Variants in ADCY8 observed in about 807,000 individuals in gnomAD.
ADCY8 encodes adenylate cyclase 8.
Under a neutral mutation model 119.7 loss-of-function variants are expected in ADCY8, and 51 were observed. The observed-to-expected ratio is 0.43, with a 90% CI of 0.34 to 0.54. The LOEUF (loss-of-function observed/expected upper bound fraction) is 0.54, where lower values mean the gene tolerates loss of function less well. Ranked by LOEUF, ADCY8 falls within the 20% of genes least tolerant of loss-of-function variation. The pLI, the probability that ADCY8 is intolerant of heterozygous loss-of-function variation, is 0.03. For missense variants in ADCY8, 1,383 were observed against 1,598.8 expected (o/e 0.87, Z 2.30); for synonymous variants, 665 against 651.0 (o/e 1.02, Z -0.33).
intron 1 of ADCY8, among the ~76,000 whole-genome samples, chr8:131,018,126 T>C (rs1823541021): frequency 6.6e-6 from 1 of 152,206 alleles, no homozygotes; most frequent in African/African-American, 2.4e-5. Context: ...TACTTACCCT[T>C]CTTCAATATT....
chr8:130,964,244 C>T (rs967787826), intron 2 of ADCY8, among the ~76,000 whole-genome samples: 1 of 152,204 alleles, frequency 6.6e-6, no homozygotes, highest in African/African-American at 2.4e-5. Context: ...TGGACTAACC[C>T]ACTCTCTTCA....
chr8:131,010,520 A>C (rs111893335), intron 1 of ADCY8, among the ~76,000 whole-genome samples: 149 of 152,300 alleles, frequency 9.8e-4, no homozygotes, highest in African/African-American at 3.5e-3. Flanking sequence ...GAGAAAGAGA[A>C]AGAGAGAAAA....
At chr8:130,802,933 C>T (rs1004775756) in intron 14 of ADCY8, among the ~76,000 whole-genome samples, 1 of 152,212 alleles carries the variant, frequency 6.6e-6, no homozygotes, top group African/African-American at 2.4e-5. Context: ...GGCATGCTCT[C>T]ACACCATTTC....
Position 130,861,515 on chromosome 8 carries a change from T to C in ADCY8, c.2210+6331A>G, listed in dbSNP as rs545143732. Among the ~76,000 whole-genome samples, 683 of 152,312 alleles carry C rather than the reference T, an allele frequency of 4.5e-3. 5 individuals are homozygous for C. Among genetic ancestry groups the C allele is most frequent in the African/African-American group, 0.016 (658 of 41,568 alleles). On this transcript the variant is annotated intron_variant, in intron 9 of 17. Transcript: ENST00000286355. ...GCTGATATAAAGGAAAACAATTGACTTTTGTATATTGACATTGTATTCTGT... is the reference window on the plus strand; with the variant it reads ...GCTGATATAAAGGAAAACAATTGACCTTTGTATATTGACATTGTATTCTGT...
intron 2 of ADCY8, among the ~76,000 whole-genome samples, chr8:130,968,877 A>G (rs1454295486): frequency 6.6e-6 from 1 of 152,206 alleles, no homozygotes; most frequent in East Asian, 1.9e-4. Flanking sequence ...CACTGAATCT[A>G]CTGCTAAGTA....
At chr8:130,941,802 T>G (rs1820964954) in intron 4 of ADCY8, among the ~76,000 whole-genome samples, 1 of 152,240 alleles carries the variant, frequency 6.6e-6, no homozygotes, top group Non-Finnish European at 1.5e-5. Context: ...TTCTGGTTTC[T>G]TCACAAATAC....
At chr8:130,846,036 G>T (rs1483841769) in intron 11 of ADCY8, among the ~76,000 whole-genome samples, 1 of 152,098 alleles carries the variant, frequency 6.6e-6, no homozygotes, top group Non-Finnish European at 1.5e-5. Context: ...TATCAAGCAG[G>T]TGCTCTATGC....
chr8:130,979,835 C>A (rs1269151266), intron 2 of ADCY8, among the ~76,000 whole-genome samples: 2 of 152,098 alleles, frequency 1.3e-5, no homozygotes, highest in African/African-American at 4.8e-5. Flanking sequence ...TCCATCCAGG[C>A]AATGTTTAAG....
chr8:130,936,591 C>T (rs1450219088), intron 5 of ADCY8, among the ~76,000 whole-genome samples: 2 of 152,190 alleles, frequency 1.3e-5, no homozygotes, highest in African/African-American at 4.8e-5. Context: ...TCAATGTCCA[C>T]CCACCTTTCA....
intron 11 of ADCY8, among the ~76,000 whole-genome samples, chr8:130,840,442 T>C (rs573593167): frequency 6.6e-6 from 1 of 150,934 alleles, no homozygotes; most frequent in East Asian, 2.0e-4. Flanking sequence ...GGAGGAGAAC[T>C]AGAAGACAAT....
At chr8:130,987,987 G>T (rs1822455093) in intron 2 of ADCY8, among the ~76,000 whole-genome samples, 1 of 152,180 alleles carries the variant, frequency 6.6e-6, no homozygotes, top group African/African-American at 2.4e-5. Flanking sequence ...TCACTGACTT[G>T]CAAGGGCATC....
intron 14 of ADCY8, among the ~76,000 whole-genome samples, chr8:130,806,933 C>T (rs1232558945): frequency 6.6e-6 from 1 of 152,138 alleles, no homozygotes; most frequent in Non-Finnish European, 1.5e-5. Flanking sequence ...CGAGACAGTC[C>T]CTTCACTCAA....
chr8:130,808,335 G>T (rs1816043337), intron 14 of ADCY8, among the ~76,000 whole-genome samples: 1 of 152,098 alleles, frequency 6.6e-6, no homozygotes, highest in Non-Finnish European at 1.5e-5. Flanking sequence ...ATAGGGGATG[G>T]GGCTGTGACT....
At chr8:130,848,069 C>A (rs1247229546) in intron 10 of ADCY8, among the ~76,000 whole-genome samples, 1 of 152,174 alleles carries the variant, frequency 6.6e-6, no homozygotes, top group Non-Finnish European at 1.5e-5. Context: ...GCCTCACAAC[C>A]ACCTTGTGAT....
In ADCY8 at chr8:130,882,045, C is replaced by T. The variant is rs111700608; in HGVS notation, c.2109+2519G>A. On this transcript the variant is annotated intron_variant, in intron 8 of 17. Coordinates refer to ENST00000286355, the MANE Select transcript of ADCY8 (RefSeq NM_001115.3). ...CCCCTCAGCCCCCCATATCCTTACC[C>T]GGAGGGTGTAAGCCCAGTTTATTAG... Among the ~76,000 whole-genome samples the T allele has an allele frequency of 7.8e-3, 1,185 of 151,538 alleles. 14 individuals carry two copies. The highest frequency in any genetic ancestry group is 0.027 in the African/African-American group (1,131 of 41,252).
At chr8:130,888,693 G>C (rs1204761295) in intron 7 of ADCY8, among the ~76,000 whole-genome samples, 3 of 152,124 alleles carry the variant, frequency 2.0e-5, no homozygotes, top group Non-Finnish European at 4.4e-5. Flanking sequence ...ATTATAATGA[G>C]AGGGTCAGGT....
intron 2 of ADCY8, among the ~76,000 whole-genome samples, chr8:130,969,201 T>C (rs1821851406): frequency 6.6e-6 from 1 of 152,068 alleles, no homozygotes; most frequent in African/African-American, 2.4e-5. Context: ...ATATGGGTGG[T>C]CCAATCAGTT....
At chr8:130,931,479 A>G (rs887608277) in intron 5 of ADCY8, among the ~76,000 whole-genome samples, 8 of 152,048 alleles carry the variant, frequency 5.3e-5, no homozygotes, top group Non-Finnish European at 1.0e-4. Flanking sequence ...GGATATTTAC[A>G]CCTTTTTCCA....
chr8:130,808,604 A>G (rs575230436), intron 14 of ADCY8, among the ~76,000 whole-genome samples: 23 of 152,318 alleles, frequency 1.5e-4, no homozygotes, highest in Non-Finnish European at 3.1e-4. Context: ...AGGAACCAGA[A>G]CTAAACCCAC....
Sources: gnomAD v4.1 joint callset for allele counts (sites outside exome capture counted in the v4.1 genomes callset) on GRCh38, gnomAD v4.1.1 for gene constraint, MANE v1.5 for transcripts, NCBI Gene and HGNC (gene_info 2026-07-23, HGNC 2026-07-21) for gene names.